Variants in EPDR1 observed in about 807,000 individuals in gnomAD.
The protein encoded by EPDR1 is mammalian ependymin-related protein 1.
Under a neutral mutation model 23.7 loss-of-function variants are expected in EPDR1, and 27 were observed. That is an observed-to-expected ratio of 1.14 (90% CI 0.84 to 1.57). The LOEUF (loss-of-function observed/expected upper bound fraction) is 1.57, where lower values mean the gene tolerates loss of function less well. Ranked by LOEUF, EPDR1 falls within the 40% of genes most tolerant of loss-of-function variation. EPDR1 has a pLI of 0.00. For synonymous variants in EPDR1, 137 were observed against 118.2 expected (o/e 1.16, Z -1.03); for missense variants, 349 against 290.4 (o/e 1.20, Z -1.47).
chr7:37,926,775 C>T, intron 1 of EPDR1: 1 of 436,532 alleles, frequency 2.3e-6, no homozygotes, highest in Non-Finnish European at 4.7e-6. Context: ...GCCTTCTTCA[C>T]TGTGAAATGA....
chr7:37,947,337 T>C (rs1403904604), intron 1 of EPDR1, among the ~76,000 whole-genome samples: 6 of 152,212 alleles, frequency 3.9e-5, no homozygotes, highest in Admixed American at 3.9e-4. Context: ...TGTTGTGTAG[T>C]AGGCTGTACC....
intron 1 of EPDR1, among the ~76,000 whole-genome samples, chr7:37,922,266 A>C (rs1247192804): frequency 1.2e-4 from 18 of 152,220 alleles, no homozygotes; most frequent in Non-Finnish European, 4.4e-5. Context: ...CATTTATTCT[A>C]AAAGCATTTG....
chr7:37,950,440 C>T lies in EPDR1; in HGVS notation c.*44C>T, dbSNP rs112189283. ...GGCAGCATCGGATGTCAGCCCCCTGCGGCCCCAGCTGGAGATGGATATGAG... is the reference window on the plus strand; with the variant it reads ...GGCAGCATCGGATGTCAGCCCCCTGTGGCCCCAGCTGGAGATGGATATGAG... On this transcript the variant is annotated 3_prime_UTR_variant, in exon 3 of 3. Transcript: ENST00000199448. 616 of 1,520,812 alleles carry T rather than the reference C, an allele frequency of 4.1e-4. 1 individual carries two copies. In the African/African-American group the frequency reaches 6.2e-3, roughly 15 times the overall value. The allele number at this position is 1,520,812 out of a possible 1,614,324, so 94.2% of individuals were successfully genotyped here.
intron 1 of EPDR1, among the ~76,000 whole-genome samples, chr7:37,926,035 C>G (rs1450586778): frequency 1.3e-5 from 2 of 152,164 alleles, no homozygotes; most frequent in Non-Finnish European, 2.9e-5. Flanking sequence ...GCTCTGCACT[C>G]AACTGAGCCT....
intron 1 of EPDR1, among the ~76,000 whole-genome samples, chr7:37,932,004 G>T (rs970923873): frequency 1.1e-4 from 17 of 152,064 alleles, no homozygotes; most frequent in Admixed American, 1.1e-3. Flanking sequence ...CACCGCGCCC[G>T]GTCGGGAACT....
intron 1 of EPDR1, among the ~76,000 whole-genome samples, chr7:37,947,024 A>G (rs1786290388): frequency 6.6e-6 from 1 of 152,180 alleles, no homozygotes; most frequent in Admixed American, 6.5e-5. Context: ...GTGTAGCCTA[A>G]GTGTACAATG....
At chr7:37,926,754 G>T in intron 1 of EPDR1, 1 of 447,198 alleles carries the variant, frequency 2.2e-6, no homozygotes, top group Non-Finnish European at 4.5e-6. Flanking sequence ...CTGATTGACT[G>T]TTGTCTGCCA....
chr7:37,941,530 C>G (rs965201589), intron 1 of EPDR1, among the ~76,000 whole-genome samples: 17 of 152,146 alleles, frequency 1.1e-4, no homozygotes, highest in African/African-American at 4.1e-4. Flanking sequence ...TCGAAAAGAG[C>G]CTTTAGACTT....
rs190017300 is a variant in EPDR1 at position 37,933,224 on chromosome 7, C to T, written c.269+12016C>T. ...TCTTGAGAGTCAGATGGCCGGCATG[C>T]ATTACTAATCTATTATAGTGCGTAT... is the stretch of plus-strand genomic sequence containing the variant. On this transcript the variant is annotated intron_variant, in intron 1 of 2. Coordinates refer to ENST00000199448, the MANE Select transcript of EPDR1 (RefSeq NM_017549.5). Among the ~76,000 whole-genome samples, 852 of 152,348 alleles carry T rather than the reference C, an allele frequency of 5.6e-3. 14 individuals are homozygous for T. Among genetic ancestry groups the T allele is most frequent in the Non-Finnish European group, 9.7e-3 (661 of 68,034 alleles).
chr7:37,950,326 C>T lies in EPDR1; in HGVS notation c.605C>T (p.Ser202Leu), dbSNP rs770075420. The T allele has an allele frequency of 1.8e-5, 29 of 1,613,732 alleles. No homozygotes were observed. Among genetic ancestry groups the T allele is most frequent in the Middle Eastern group, 1.6e-4 (1 of 6,084 alleles). ...FDIQLGIKDP[S>L]VFTPPSTCQM... ...ATCCAGCTGGGTATTAAAGACCCCT[C>T]GGTGTTTACCCCTCCAAGCACGTGC... Residue 202 changes from serine to leucine, a missense_variant, in exon 3 of 3, where the codon TCG (serine) becomes TTG (leucine). Ser to Leu is a moderately radical substitution (Grantham distance 145). Coordinates refer to ENST00000199448, the MANE Select transcript of EPDR1 (RefSeq NM_017549.5).
chr7:37,948,847 G>A lies in EPDR1; in HGVS notation c.277G>A (p.Glu93Lys). 1 of 1,613,940 alleles carries A rather than the reference G, an allele frequency of 6.2e-7. No homozygotes were observed. The highest frequency in any genetic ancestry group is 2.2e-5 in the East Asian group (1 of 44,874). The change falls in exon 2 of 3, where the codon GAA becomes AAA. Residue 93 changes from glutamate (E) to lysine (K), a missense_variant. Coordinates refer to ENST00000199448, the MANE Select transcript of EPDR1 (RefSeq NM_017549.5). Reference protein sequence around the residue: ...KALIPCKRLFEYILLYKDGVM... With the variant: ...KALIPCKRLFKYILLYKDGVM... ...TTTCCATCTGTGTTTCAGATTATTT[G>A]AATATATTTTGCTGTATAAGGATGG...
At chr7:37,939,408 C>T (rs923135204) in intron 1 of EPDR1, among the ~76,000 whole-genome samples, 6 of 152,138 alleles carry the variant, frequency 3.9e-5, no homozygotes, top group Non-Finnish European at 8.8e-5. Flanking sequence ...TGACTTCTTT[C>T]AAGCAATGTC....
At position 37,948,846 on chromosome 7, in the gene EPDR1, T is replaced by C; in HGVS notation, c.276T>C (p.Phe92=). 6.2e-7 allele frequency: 1 copy of C among 1,614,020 alleles called. No homozygotes were observed. The highest frequency in any genetic ancestry group is 8.5e-7 in the Non-Finnish European group (1 of 1,179,896). ...CTTTCCATCTGTGTTTCAGATTATT[T>C]GAATATATTTTGCTGTATAAGGATG... is the stretch of plus-strand genomic sequence containing the variant. The part of the protein sequence containing the change: ...RKALIPCKRL[F]EYILLYKDGV... The change falls in exon 2 of 3, where the codon TTT becomes TTC. Residue 92 remains phenylalanine (F), a synonymous_variant. Transcript: ENST00000199448.
chr7:37,926,939 C>T (rs1455187200), intron 1 of EPDR1, among the ~76,000 whole-genome samples: 1 of 152,134 alleles, frequency 6.6e-6, no homozygotes, highest in African/African-American at 2.4e-5. Flanking sequence ...TCGTTGTTTA[C>T]TTTGCTGTTC....
intron 2 of EPDR1, 95 bp from the exon 3 acceptor site, chr7:37,950,104 TA>T: frequency 1.1e-6 from 1 of 899,868 alleles, no homozygotes; most frequent in Non-Finnish European, 1.6e-6. Flanking sequence ...GGTAAAATGG[TA>T]AATTTTATGT....
chr7:37,921,050 A>G lies in EPDR1; in HGVS notation c.111A>G (p.Gly37=). Residue 37 remains glycine, a synonymous_variant, in exon 1 of 3, where the codon GGA becomes GGG. Coordinates refer to ENST00000199448, the MANE Select transcript of EPDR1 (RefSeq NM_017549.5). ...LCGLCSLGAV[G]APRPCQAPQQ... is the part of the protein sequence containing the mutation. The stretch of plus-strand genomic sequence containing the variant: ...GCCTGTGCAGCCTGGGGGCGGTGGG[A>G]GCCCCGCGCCCGTGCCAGGCGCCGC... 4 of 1,536,684 alleles carry G rather than the reference A, an allele frequency of 2.6e-6. No homozygotes were observed. Among genetic ancestry groups the G allele is most frequent in the Non-Finnish European group, 2.6e-6 (3 of 1,147,412 alleles).
chr7:37,940,801 T>C (rs1786155308), intron 1 of EPDR1, among the ~76,000 whole-genome samples: 1 of 132,358 alleles, frequency 7.6e-6, no homozygotes, highest in Non-Finnish European at 1.7e-5. Flanking sequence ...TTCGAGTTTT[T>C]TTTTTCTAAT....
At chr7:37,936,568 G>T (rs781231352) in intron 1 of EPDR1, among the ~76,000 whole-genome samples, 1 of 152,088 alleles carries the variant, frequency 6.6e-6, no homozygotes, top group African/African-American at 2.4e-5. Context: ...ATTCCTGGAA[G>T]ACACAAAAGA....
intron 1 of EPDR1, among the ~76,000 whole-genome samples, chr7:37,927,993 T>C (rs1785852242): frequency 6.6e-6 from 1 of 152,218 alleles, no homozygotes; most frequent in Non-Finnish European, 1.5e-5. Flanking sequence ...AAAGTTTGAT[T>C]TAAGGGACTT....
Sources: allele counts gnomAD v4.1 joint callset (sites outside exome capture counted in the v4.1 genomes callset), GRCh38; gene constraint gnomAD v4.1.1; transcripts MANE v1.5; gene names NCBI Gene and HGNC (gene_info 2026-07-23, HGNC 2026-07-21).